TENM3: variants seen among roughly 807,000 people sequenced by gnomAD.
TENM3 encodes the protein teneurin transmembrane protein 3, also known as teneurin-3.
A neutral mutation model predicts 255.1 loss-of-function variants in TENM3; 63 were observed. That is an observed-to-expected ratio of 0.25 (90% CI 0.20 to 0.30). TENM3 has a LOEUF of 0.30. Ranked by LOEUF, TENM3 falls within the 10% of genes least tolerant of loss-of-function variation. The pLI, the probability that TENM3 is intolerant of heterozygous loss-of-function variation, is 1.00. For missense variants in TENM3, 2,929 were observed against 3,461.1 expected, an observed-to-expected ratio of 0.85 and a Z score of 3.86; for synonymous variants, 1,306 against 1,322.3, an observed-to-expected ratio of 0.99 and a Z score of 0.27.
chr4:181,954,043 A>T, the TENM3 span, among the ~76,000 whole-genome samples: 1 of 152,208 alleles, frequency 6.6e-6, no homozygotes, highest in Admixed American at 6.5e-5. Context: ...CTTTTGCTAG[A>T]ATTTCATTTA....
the TENM3 span, among the ~76,000 whole-genome samples, chr4:181,673,850 G>A: frequency 6.0e-4 from 56 of 93,464 alleles, no homozygotes; most frequent in African/African-American, 2.1e-3. Flanking sequence ...TGTGTGGTGT[G>A]TGTGTGTGTG....
At chr4:181,823,358 T>C in the TENM3 span, among the ~76,000 whole-genome samples, 1 of 152,050 alleles carries the variant, frequency 6.6e-6, no homozygotes. Flanking sequence ...TTTTGGTCTC[T>C]CTCCTCCTCC....
At chr4:181,978,682 C>A in the TENM3 span, among the ~76,000 whole-genome samples, 141 of 144,404 alleles carry the variant, frequency 9.8e-4, no homozygotes, top group African/African-American at 2.3e-3. Context: ...AAAAAAAAAA[C>A]CAGAGCAAAA....
the TENM3 span, among the ~76,000 whole-genome samples, chr4:181,491,114 T>C: frequency 6.6e-6 from 1 of 152,028 alleles, no homozygotes; most frequent in Non-Finnish European, 1.5e-5. Context: ...ATCTATGGTC[T>C]ACCTGAAAAA....
chr4:182,020,985 T>G, the TENM3 span, among the ~76,000 whole-genome samples: 1 of 152,122 alleles, frequency 6.6e-6, no homozygotes, highest in East Asian at 1.9e-4. Flanking sequence ...CATCTGCAGG[T>G]TTGTTACATG....
chr4:182,039,377 G>A, the TENM3 span, among the ~76,000 whole-genome samples: 1 of 152,050 alleles, frequency 6.6e-6, no homozygotes, highest in Non-Finnish European at 1.5e-5. Flanking sequence ...TTGATGTTTT[G>A]TAGAAAGCCC....
At chr4:181,585,003 C>CAAAAAAA in the TENM3 span, among the ~76,000 whole-genome samples, 1 of 134,794 alleles carries the variant, frequency 7.4e-6, no homozygotes, top group African/African-American at 2.7e-5. Flanking sequence ...TATCCAGTGG[C>CAAAAAAA]AAAAAAAAAA....
chr4:181,751,498 AG>A, the TENM3 span, among the ~76,000 whole-genome samples: 2 of 151,740 alleles, frequency 1.3e-5, no homozygotes, highest in Admixed American at 1.3e-4. Context: ...GACCCATTCT[AG>A]GAACTCTCTC....
intron 1 of TENM3, among the ~76,000 whole-genome samples, chr4:182,218,131 T>C (rs887671693): frequency 6.6e-6 from 1 of 152,186 alleles, no homozygotes; most frequent in African/African-American, 2.4e-5. Context: ...CAAAATCACA[T>C]AGGTTATGGG....
the TENM3 span, among the ~76,000 whole-genome samples, chr4:181,547,839 G>A: frequency 6.6e-6 from 1 of 150,916 alleles, no homozygotes; most frequent in Non-Finnish European, 1.5e-5. Flanking sequence ...TAAGTTTTAG[G>A]GTACATGTGC....
the TENM3 span, among the ~76,000 whole-genome samples, chr4:182,126,259 C>T: frequency 6.6e-6 from 1 of 151,810 alleles, no homozygotes; most frequent in African/African-American, 2.4e-5. Context: ...GTCAAAATGC[C>T]CCAAAGTCAA....
At chr4:182,325,798 G>C (rs1050098417) in intron 2 of TENM3, among the ~76,000 whole-genome samples, 1 of 151,948 alleles carries the variant, frequency 6.6e-6, no homozygotes, top group African/African-American at 2.4e-5. Flanking sequence ...AATATTATTC[G>C]AAGGAAACAG....
At chr4:182,392,051 A>G (rs1371804770) in intron 3 of TENM3, among the ~76,000 whole-genome samples, 1 of 152,206 alleles carries the variant, frequency 6.6e-6, no homozygotes, top group African/African-American at 2.4e-5. Flanking sequence ...TTTACTTATA[A>G]TTCAACTACC....
chr4:182,398,289 A>G (rs969871265), intron 3 of TENM3, among the ~76,000 whole-genome samples: 6 of 152,168 alleles, frequency 3.9e-5, no homozygotes, highest in African/African-American at 1.2e-4. Flanking sequence ...TGTGAGTCCT[A>G]TGCCTCTAGC....
At chr4:181,920,849 G>C in the TENM3 span, among the ~76,000 whole-genome samples, 1 of 152,118 alleles carries the variant, frequency 6.6e-6, no homozygotes, top group Admixed American at 6.6e-5. Context: ...TTTTCTTCTA[G>C]GGTTTTTACG....
chr4:182,772,013 C>T (rs1159598892), intron 22 of TENM3, among the ~76,000 whole-genome samples: 1 of 152,176 alleles, frequency 6.6e-6, no homozygotes, highest in African/African-American at 2.4e-5. Flanking sequence ...ACTGTCCCCA[C>T]CGAATTAATG....
chr4:182,620,460 C>T (rs995885553), intron 4 of TENM3, among the ~76,000 whole-genome samples: 2 of 152,116 alleles, frequency 1.3e-5, no homozygotes, highest in Non-Finnish European at 2.9e-5. Flanking sequence ...CTAACAGAGT[C>T]CTGCGAAATC....
intron 1 of TENM3, among the ~76,000 whole-genome samples, chr4:182,161,645 A>G (rs1434506806): frequency 8.5e-6 from 1 of 117,740 alleles, no homozygotes; most frequent in Non-Finnish European, 1.7e-5. Context: ...ATATGTATAT[A>G]TATATATACA....
upstream of TENM3, among the ~76,000 whole-genome samples, chr4:182,140,680 A>T (rs1322210192): frequency 6.6e-6 from 1 of 152,148 alleles, no homozygotes; most frequent in African/African-American, 2.4e-5. Context: ...GTGGCTGCGG[A>T]GACCCTCGAG....
Sources: gnomAD v4.1 joint callset for allele counts (sites outside exome capture counted in the v4.1 genomes callset) on GRCh38, gnomAD v4.1.1 for gene constraint, MANE v1.5 for transcripts, NCBI Gene and HGNC (gene_info 2026-07-23, HGNC 2026-07-21) for gene names.